The following ME3 variants were observed in gnomAD, a reference collection of about 807,000 sequenced individuals.
The protein encoded by ME3 is malic enzyme 3.
ME3 carries 48 observed loss-of-function variants against 68.9 expected under a neutral mutation model. The observed-to-expected ratio is 0.70, with a 90% confidence interval of 0.55 to 0.89. ME3 has a LOEUF of 0.89. Among genes scored for constraint, ME3 ranks in the 40% least tolerant of loss-of-function variants. ME3 has a pLI of 0.00. For missense variants in ME3, 675 were observed against 797.4 expected (o/e 0.85, Z 1.85); for synonymous variants, 320 against 318.8 (o/e 1.00, Z -0.04).
At chr11:86,649,236 G>A (rs1428194069) in intron 2 of ME3, among the ~76,000 whole-genome samples, 1 of 152,172 alleles carries the variant, frequency 6.6e-6, no homozygotes, top group Non-Finnish European at 1.5e-5. Context: ...CTCAATAGAT[G>A]CAGAAAAGTC....
At chr11:86,482,956 A>C (rs939942082) in intron 7 of ME3, among the ~76,000 whole-genome samples, 1 of 152,208 alleles carries the variant, frequency 6.6e-6, no homozygotes, top group Non-Finnish European at 1.5e-5. Flanking sequence ...TAAGCCAGTA[A>C]GATTTAGGAT....
At chr11:86,435,767 G>A in the ME3 span, 1 of 152,260 alleles carries the variant, frequency 6.6e-6, no homozygotes, top group Non-Finnish European at 1.5e-5. Context: ...AGTTGCAACA[G>A]TAGCCTCAGC....
In ME3 at chr11:86,509,277, G is replaced by A. The variant is rs374605050; in HGVS notation, c.468-410C>T. ...TAGCTGGATCCCTAGGCCTGAGTCCGTGACTGAAACTTGGACATGGGGGTT... is the reference window on the plus strand; with the variant it reads ...TAGCTGGATCCCTAGGCCTGAGTCCATGACTGAAACTTGGACATGGGGGTT... On this transcript the variant is annotated intron_variant, in intron 4 of 14. Transcript: ENST00000543262. 1.1e-3 allele frequency among the ~76,000 whole-genome samples: 173 copies of A among 152,308 alleles called. 3 individuals are homozygous for A. Among genetic ancestry groups the A allele is most frequent in the South Asian group, 0.011 (52 of 4,828 alleles).
chr11:86,468,684 A>G (rs368480906), intron 7 of ME3, among the ~76,000 whole-genome samples: 2 of 152,238 alleles, frequency 1.3e-5, no homozygotes, highest in East Asian at 1.9e-4. Context: ...ATGTTTCTCA[A>G]TTCATCCCTG....
chr11:86,467,333 GT>G lies in ME3; in HGVS notation c.810-2134del, dbSNP rs1212660252. On this transcript the variant is annotated intron_variant, in intron 7 of 14. Coordinates refer to ENST00000543262, the Ensembl canonical transcript of ME3. ...AGTCATAGAACAAATGCTGATGGAG[GT>G]TTGGTGGGGGGCTCACTGTGTCTCC... 9.2e-5 allele frequency among the ~76,000 whole-genome samples: 14 copies of G among 152,258 alleles called. No homozygotes were observed. In the South Asian group the frequency reaches 2.7e-3, roughly 29 times the overall value.
intron 2 of ME3, among the ~76,000 whole-genome samples, chr11:86,603,068 C>T (rs975200260): frequency 1.3e-5 from 2 of 152,198 alleles, no homozygotes; most frequent in African/African-American, 2.4e-5. Flanking sequence ...ACACCAAAAG[C>T]AATGGCAACA....
intron 2 of ME3, among the ~76,000 whole-genome samples, chr11:86,659,925 G>A (rs1450586703): frequency 6.6e-6 from 1 of 151,920 alleles, no homozygotes; most frequent in Admixed American, 6.6e-5. Flanking sequence ...TTTTAAGTTA[G>A]TTTTTAAACC....
intron 4 of ME3, among the ~76,000 whole-genome samples, chr11:86,521,971 C>G (rs367788959): frequency 5.9e-5 from 9 of 152,126 alleles, no homozygotes; most frequent in Non-Finnish European, 1.0e-4. Context: ...GAAAAAAGGC[C>G]GGGCATGGTG....
intron 4 of ME3, among the ~76,000 whole-genome samples, chr11:86,550,785 C>G (rs1018469474): frequency 1.3e-5 from 2 of 152,032 alleles, no homozygotes; most frequent in Non-Finnish European, 2.9e-5. Context: ...GTGATGTGCT[C>G]AAAAACCATG....
In ME3 at chr11:86,650,769, C is replaced by T. The variant is rs138838439; in HGVS notation, c.183+20993G>A. On this transcript the variant is annotated intron_variant, in intron 2 of 14. Transcript: ENST00000543262. The stretch of plus-strand genomic sequence containing the variant: ...GGTGCAGGACAGTGGGTGCAGCACA[C>T]CGAGCGTGAGCTGCAGCAGGGTGAT... Among the ~76,000 whole-genome samples, 538 of 152,254 alleles carry T rather than the reference C, an allele frequency of 3.5e-3. 2 individuals carry two copies. Among genetic ancestry groups the T allele is most frequent in the African/African-American group, 0.012 (511 of 41,542 alleles).
At position 86,561,829 on chromosome 11, in the gene ME3, C is replaced by A. The variant is rs1315738714; in HGVS notation, c.184-2006G>T. Among the ~76,000 whole-genome samples the A allele has an allele frequency of 1.3e-5, 2 of 152,144 alleles. 1 individual carries two copies. Among genetic ancestry groups the A allele is most frequent in the African/African-American group, 4.8e-5 (2 of 41,440 alleles). ...TCAAGTCAAAACTTTTTCCCTCTAC[C>A]CTCTTCACTGAGATTGTTACATACA... On this transcript the variant is annotated intron_variant, in intron 2 of 14. Transcript: ENST00000543262.
At chr11:86,450,118 A>T in intron 9 of ME3, 116 bp from the exon 10 acceptor site, 1 of 968,458 alleles carries the variant, frequency 1.0e-6, no homozygotes, top group South Asian at 1.6e-5. Context: ...GACTCCCAGG[A>T]GGCCCAATTA....
At chr11:86,525,816 C>G (rs566287129) in intron 4 of ME3, among the ~76,000 whole-genome samples, 2 of 147,480 alleles carry the variant, frequency 1.4e-5, no homozygotes, top group Admixed American at 6.8e-5. Context: ...GAGGTGAGAT[C>G]GTGCCATTGC....
At chr11:86,670,910 A>T (rs1303667186) in intron 2 of ME3, among the ~76,000 whole-genome samples, 2 of 152,236 alleles carry the variant, frequency 1.3e-5, no homozygotes, top group Non-Finnish European at 2.9e-5. Context: ...GGCTGGAGAA[A>T]GTTGGGCCTC....
chr11:86,610,647 C>T (rs1364106978), intron 2 of ME3, among the ~76,000 whole-genome samples: 2 of 129,150 alleles, frequency 1.5e-5, no homozygotes, highest in Non-Finnish European at 3.1e-5. Flanking sequence ...CCCTGTAGTT[C>T]TCTTTTGGGC....
chr11:86,671,706 AT>A, intron 2 of ME3, 55 bp downstream of exon 2: 2 of 1,584,804 alleles, frequency 1.3e-6, no homozygotes, highest in South Asian at 1.1e-5. Context: ...GCGGGGCGCA[AT>A]TTTCCGGCAG....
At chr11:86,576,660 G>A (rs1958133616) in intron 2 of ME3, among the ~76,000 whole-genome samples, 2 of 152,102 alleles carry the variant, frequency 1.3e-5, no homozygotes, top group Admixed American at 1.3e-4. Context: ...TCTCCTCTCT[G>A]GTTTGCTGCA....
intron 2 of ME3, among the ~76,000 whole-genome samples, chr11:86,636,657 C>A (rs1347493154): frequency 6.6e-6 from 1 of 152,198 alleles, no homozygotes; most frequent in Non-Finnish European, 1.5e-5. Context: ...AGAACATGCA[C>A]AAGTTTTGGA....
chr11:86,602,775 G>A (rs1429251639), intron 2 of ME3, among the ~76,000 whole-genome samples: 2 of 152,172 alleles, frequency 1.3e-5, no homozygotes, highest in East Asian at 3.8e-4. Context: ...GAACAGAACA[G>A]AGCACTCAGA....
Sources: allele counts gnomAD v4.1 joint callset (sites outside exome capture counted in the v4.1 genomes callset), GRCh38; gene constraint gnomAD v4.1.1; transcripts MANE v1.5; gene names NCBI Gene and HGNC (gene_info 2026-07-23, HGNC 2026-07-21).